The following HMCN2 variants were observed in gnomAD, a reference collection of about 807,000 sequenced individuals.
HMCN2 encodes hemicentin 2.
A neutral mutation model predicts 377.5 loss-of-function variants in HMCN2; 325 were observed. The observed-to-expected ratio is 0.86, with a 90% CI of 0.79 to 0.94. The LOEUF (loss-of-function observed/expected upper bound fraction) is 0.94, where lower values mean the gene tolerates loss of function less well. HMCN2 is among the 40% of genes least tolerant of loss of function. HMCN2 has a pLI of 0.00. For synonymous variants in HMCN2, 2,007 were observed against 2,046.8 expected (o/e 0.98, Z 0.53); for missense variants, 4,543 against 4,725.3 (o/e 0.96, Z 1.13).
intron 1 of HMCN2, among the ~76,000 whole-genome samples, chr9:130,281,201 G>C (rs1405130375): frequency 6.6e-6 from 1 of 152,078 alleles, no homozygotes; most frequent in Non-Finnish European, 1.5e-5. Flanking sequence ...GAGAGCAGGA[G>C]TTAAGAAGAG....
At chr9:130,401,057 C>T (rs1467966873) in intron 77 of HMCN2, 110 bp downstream of exon 77, 49 of 965,258 alleles carry the variant, frequency 5.1e-5, no homozygotes, top group African/African-American at 8.6e-5. Flanking sequence ...TGGCCTGGCA[C>T]TGCCTCTCCT....
Position 130,391,974 on chromosome 9 carries a change from CCCTGGTGAGCAGG to C in HMCN2, c.9998_10010del (p.Val3333GlyfsTer4). ...AAGCAGGGAGCAGACGGCTCGGGGA[CCCTGGTGAGCAGG>C]CCTGGGGAGCTGGTGACCATGGTGT... On this transcript the variant is annotated frameshift_variant, in exon 66 of 98. Transcript: ENST00000683500. LOFTEE classifies it high-confidence loss of function. The C allele has an allele frequency of 1.0e-6, 1 of 988,324 alleles. No homozygotes were observed. 61.2% of individuals were successfully genotyped at this position (988,324 alleles called of 1,614,324 possible).
rs1013728408 is a variant in HMCN2 at position 130,379,231 on chromosome 9, T to C, written c.8213-18T>C. 4.1e-6 allele frequency: 4 copies of C among 968,600 alleles called. No individual in the cohort carries two copies. Among genetic ancestry groups the C allele is most frequent in the Non-Finnish European group, 4.9e-6 (4 of 814,600 alleles). 60.0% of individuals were successfully genotyped at this position (968,600 alleles called of 1,614,324 possible). On this transcript the variant is annotated intron_variant, in intron 53 of 97. Coordinates refer to ENST00000683500, the MANE Select transcript of HMCN2 (RefSeq NM_001291815.2). ...CCCCTCTGCTGTGCTTCCTAAGGGC[T>C]TTGTCTCCCCCACCCAGTGCCCCCC...
chr9:130,285,703 A>T (rs1489412745), intron 3 of HMCN2, among the ~76,000 whole-genome samples: 1 of 152,108 alleles, frequency 6.6e-6, no homozygotes, highest in Non-Finnish European at 1.5e-5. Context: ...GACCTGTCGG[A>T]TCCCTTGCTT....
chr9:130,290,594 G>T (rs1436608855), intron 4 of HMCN2, among the ~76,000 whole-genome samples: 2 of 152,108 alleles, frequency 1.3e-5, no homozygotes, highest in South Asian at 2.1e-4. Flanking sequence ...CATGTTCGGC[G>T]GGCTTCTGTG....
intron 54 of HMCN2, among the ~76,000 whole-genome samples, chr9:130,380,172 G>A (rs923983774): frequency 3.8e-4 from 58 of 152,204 alleles, no homozygotes; most frequent in African/African-American, 1.4e-3. Context: ...GAGCCACCAC[G>A]CTCAGCCAGG....
At chr9:130,305,026 GT>G (rs1564767779) in intron 11 of HMCN2, 24 bp downstream of exon 11, 1 of 461,286 alleles carries the variant, frequency 2.2e-6, no homozygotes, top group Admixed American at 2.4e-5. Context: ...TGCTGCTGCT[GT>G]TCCCCTAATT....
chr9:130,396,194 A>G lies in HMCN2; in HGVS notation c.11079A>G (p.Pro3693=). 2 of 1,280,892 alleles carry G rather than the reference A, an allele frequency of 1.6e-6. No individual in the cohort carries two copies. The highest frequency in any genetic ancestry group is 2.0e-6 in the Non-Finnish European group (2 of 982,956). The allele number at this position is 1,280,892 out of a possible 1,614,324, so 79.3% of individuals were successfully genotyped here. A position where few individuals can be genotyped will look rare whatever the true frequency, so the allele number is the denominator to read the frequency against. ...CGGTGCCCACCATCCGGTCAGGACC[A>G]CCTGCAGTGAACGTCTCAGTGAACC... ...IHTVPTIRSG[P]PAVNVSVNQT... Residue 3693 remains proline (P), a synonymous_variant, in exon 73 of 98, where the codon CCA becomes CCG. Transcript: ENST00000683500.
intron 33 of HMCN2, 24 bp from the exon 34 acceptor site, chr9:130,356,064 C>CT (rs1564810528): frequency 8.3e-7 from 1 of 1,210,514 alleles, no homozygotes; most frequent in Admixed American, 2.8e-5. Flanking sequence ...CAGGTTGACA[C>CT]GCCCCCCTCC....
At chr9:130,297,453 G>A (rs976437472) in intron 7 of HMCN2, among the ~76,000 whole-genome samples, 3 of 152,182 alleles carry the variant, frequency 2.0e-5, no homozygotes, top group African/African-American at 2.4e-5. Context: ...TGAGCTCCAC[G>A]CCAGAAAATA....
In HMCN2 at chr9:130,376,555, T is replaced by A; in HGVS notation, c.7958T>A (p.Val2653Asp). The A allele has an allele frequency of 1.0e-6, 1 of 985,058 alleles. No homozygotes were observed. The highest frequency in any genetic ancestry group is 1.2e-6 in the Non-Finnish European group (1 of 829,792). The allele number at this position is 985,058 out of a possible 1,614,324, so 61.0% of individuals were successfully genotyped here. Reference sequence around the variant, plus strand: ...TCCAAAGACGACCCCTTGGCGGAGGTCGGCGTGAAGGAGGTGAAGACCAAG... The same window carrying A: ...TCCAAAGACGACCCCTTGGCGGAGGACGGCGTGAAGGAGGTGAAGACCAAG... ...SISKDDPLAE[V>D]GVKEVKTKVN... The change falls in exon 52 of 98, where the codon GTC (valine) becomes GAC (aspartate). Residue 2653 changes from valine (V) to aspartate (D), a missense_variant. Val to Asp is a radical substitution (Grantham distance 152). Around this residue, in one of 5 missense-constraint regions of HMCN2, gnomAD observed 736 missense variants for 773.2 expected, o/e 0.95. Transcript: ENST00000683500.
At position 130,407,841 on chromosome 9, in the gene HMCN2, C is replaced by T. The variant is rs1301142935; in HGVS notation, c.12688+136C>T. On this transcript the variant is annotated intron_variant, in intron 83 of 97. Coordinates refer to ENST00000683500, the MANE Select transcript of HMCN2 (RefSeq NM_001291815.2). The stretch of plus-strand genomic sequence containing the variant: ...CACCCTGGCTGCATGTTAGAATCCC[C>T]TGGGGGACTTTAAATTCTGAAGTCC... The T allele has an allele frequency of 6.9e-6, 4 of 583,582 alleles. No individual in the cohort carries two copies. The Admixed American group carries it at 2.0e-4, about 30-fold the overall frequency. The allele number at this position is 583,582 out of a possible 1,614,324, so 36.2% of individuals were successfully genotyped here. A position where few individuals can be genotyped will look rare whatever the true frequency, so the allele number is the denominator to read the frequency against.
chr9:130,380,407 A>G (rs975537585), intron 54 of HMCN2, among the ~76,000 whole-genome samples: 4 of 152,038 alleles, frequency 2.6e-5, no homozygotes, highest in Non-Finnish European at 5.9e-5. Context: ...TGGGCCGGCA[A>G]TGGGGCTGGT....
Position 130,304,097 on chromosome 9 carries a change from G to T in HMCN2, c.1543+489G>T, listed in dbSNP as rs1554935634. On this transcript the variant is annotated intron_variant, in intron 10 of 97. Coordinates refer to ENST00000683500, the MANE Select transcript of HMCN2 (RefSeq NM_001291815.2). This position sits in a 1 kb window ranked among gnomAD's most constrained non-coding sequence, Gnocchi z 4.3. Reference sequence around the variant, plus strand: ...AAAGATCAGCCACTCTACATAGACAGCCAGAAACTACACATGCTCTTTGTA... The same window carrying T: ...AAAGATCAGCCACTCTACATAGACATCCAGAAACTACACATGCTCTTTGTA... Among the ~76,000 whole-genome samples the T allele has an allele frequency of 6.6e-6, 1 of 152,218 alleles. No individual in the cohort carries two copies. The highest frequency in any genetic ancestry group is 2.4e-5 in the African/African-American group (1 of 41,462).
rs556764939 is a variant in HMCN2, at chr9:130,410,489, G to A, written c.12880-82G>A. On this transcript the variant is annotated intron_variant, in intron 84 of 97. Coordinates refer to ENST00000683500, the MANE Select transcript of HMCN2 (RefSeq NM_001291815.2). Reference sequence around the variant, plus strand: ...AGCCTAAGCCCCTTGCTGGCTGGCTGCCCTCAGTCCCCTACCCAACTGTCT... The same window carrying A: ...AGCCTAAGCCCCTTGCTGGCTGGCTACCCTCAGTCCCCTACCCAACTGTCT... 3.1e-6 allele frequency: 4 copies of A among 1,303,932 alleles called. No individual in the cohort carries two copies. The East Asian group carries it at 1.0e-4, about 33-fold the overall frequency. The allele number at this position is 1,303,932 out of a possible 1,614,324, so 80.8% of individuals were successfully genotyped here.
At chr9:130,362,786 C>G in intron 39 of HMCN2, 81 bp from the exon 40 acceptor site, 1 of 969,262 alleles carries the variant, frequency 1.0e-6, no homozygotes, top group Non-Finnish European at 1.2e-6. Flanking sequence ...GCAAGGCCGG[C>G]TTGGGCAGGT....
rs112540346 is a variant in HMCN2 at position 130,351,846 on chromosome 9, C to G, written c.4585+269C>G. Among the ~76,000 whole-genome samples, 3,652 of 151,938 alleles carry G rather than the reference C, an allele frequency of 0.024. 157 individuals are homozygous for G. The highest frequency in any genetic ancestry group is 0.083 in the African/African-American group (3,448 of 41,386). ...TTTTTTTTTGAGATGAATTCTCTCT[C>G]TGTTGCCTAGGCTGGAGCGCAGTGG... On this transcript the variant is annotated intron_variant, in intron 30 of 97. Transcript: ENST00000683500. The surrounding 1 kb of genome is among the most constrained non-coding windows in gnomAD (Gnocchi z 5.4).
At chr9:130,353,235 G>T (rs1269202847) in intron 31 of HMCN2, 30 bp downstream of exon 31, 1 of 1,297,026 alleles carries the variant, frequency 7.7e-7, no homozygotes, top group African/African-American at 1.5e-5. Flanking sequence ...GGCAGCCGGG[G>T]TGGGCAGTGG....
At chr9:130,285,462 A>C (rs889894625) in intron 3 of HMCN2, 146 bp downstream of exon 3, 10 of 368,000 alleles carry the variant, frequency 2.7e-5, no homozygotes, top group Non-Finnish European at 4.3e-5. Context: ...TCTGCCATGC[A>C]TGGCCAGAGC....
Sources: gnomAD v4.1 joint callset for allele counts (sites outside exome capture counted in the v4.1 genomes callset) on GRCh38, gnomAD v4.1.1 for gene constraint, gnomAD v4.1.1 regional missense constraint, Gnocchi (gnomAD v3.1) non-coding constraint, MANE v1.5 for transcripts, NCBI Gene and HGNC (gene_info 2026-07-23, HGNC 2026-07-21) for gene names.